Variants in GALNT13 observed in about 807,000 individuals in gnomAD.
GALNT13 encodes polypeptide N-acetylgalactosaminyltransferase 13.
GALNT13 carries 28 observed loss-of-function variants against 64.2 expected under a neutral mutation model. That is an observed-to-expected ratio of 0.44 (90% CI 0.32 to 0.60). GALNT13 has a LOEUF of 0.60. GALNT13 is among the 20% of genes least tolerant of loss of function. The pLI is 0.05. For missense variants in GALNT13, 577 were observed against 669.8 expected, an observed-to-expected ratio of 0.86 and a Z score of 1.53; for synonymous variants, 214 against 224.6, an observed-to-expected ratio of 0.95 and a Z score of 0.42.
the GALNT13 span, among the ~76,000 whole-genome samples, chr2:153,362,055 G>T: frequency 1.3e-5 from 2 of 152,106 alleles, no homozygotes; most frequent in African/African-American, 2.4e-5. Context: ...GAAGAGAGTG[G>T]GGGCCAATAT....
At chr2:153,299,082 C>T in the GALNT13 span, among the ~76,000 whole-genome samples, 2 of 152,252 alleles carry the variant, frequency 1.3e-5, no homozygotes, top group South Asian at 4.2e-4. Context: ...ATAATGCAAT[C>T]CAAATCCAAA....
At chr2:154,270,444 A>G (rs1184481093) in intron 8 of GALNT13, among the ~76,000 whole-genome samples, 1 of 151,894 alleles carries the variant, frequency 6.6e-6, no homozygotes, top group East Asian at 1.9e-4. Context: ...GGTACCACCC[A>G]TAATTCGTTT....
chr2:153,495,644 A>G, the GALNT13 span, among the ~76,000 whole-genome samples: 1 of 152,368 alleles, frequency 6.6e-6, no homozygotes, highest in African/African-American at 2.4e-5. Flanking sequence ...GAAAAAATTC[A>G]TACAGAAAAG....
the GALNT13 span, among the ~76,000 whole-genome samples, chr2:153,584,679 G>A: frequency 3.3e-5 from 5 of 152,162 alleles, no homozygotes; most frequent in African/African-American, 1.2e-4. Flanking sequence ...CCAGCATATG[G>A]TGCACAGAAA....
chr2:153,934,175 G>A (rs952540440), intron 2 of GALNT13, among the ~76,000 whole-genome samples: 12 of 152,026 alleles, frequency 7.9e-5, no homozygotes, highest in African/African-American at 2.7e-4. Context: ...TATATCTGTT[G>A]GATAAATGAA....
chr2:153,422,109 G>A, the GALNT13 span: 1 of 152,128 alleles, frequency 6.6e-6, no homozygotes, highest in Non-Finnish European at 1.5e-5. Flanking sequence ...ACTTTAAGAA[G>A]AAATGATAAT....
At chr2:153,542,163 CA>C in the GALNT13 span, among the ~76,000 whole-genome samples, 31 of 151,762 alleles carry the variant, frequency 2.0e-4, no homozygotes, top group African/African-American at 7.0e-4. Flanking sequence ...ACTAAAAATA[CA>C]AAAAAATTAG....
intron 4 of GALNT13, among the ~76,000 whole-genome samples, chr2:154,164,038 C>T (rs1684886099): frequency 6.6e-6 from 1 of 152,078 alleles, no homozygotes; most frequent in South Asian, 2.1e-4. Flanking sequence ...AACCATTTGG[C>T]ATGCCAAATA....
the GALNT13 span, among the ~76,000 whole-genome samples, chr2:153,374,741 G>A: frequency 2.0e-5 from 3 of 152,054 alleles, no homozygotes; most frequent in Admixed American, 6.6e-5. Context: ...TATTTATTAC[G>A]CTAATCTCCT....
chr2:154,391,443 A>G (rs910259452), intron 9 of GALNT13, among the ~76,000 whole-genome samples: 12 of 152,138 alleles, frequency 7.9e-5, no homozygotes, highest in Non-Finnish European at 1.0e-4. Flanking sequence ...GACCAACTGA[A>G]TCAAATTGCA....
the GALNT13 span, among the ~76,000 whole-genome samples, chr2:153,711,921 C>T: frequency 6.6e-6 from 1 of 152,164 alleles, no homozygotes; most frequent in Admixed American, 6.6e-5. Flanking sequence ...AATCCCACTA[C>T]ATGCTGAGAA....
intron 9 of GALNT13, among the ~76,000 whole-genome samples, chr2:154,311,251 C>T (rs990059877): frequency 6.6e-6 from 1 of 151,978 alleles, no homozygotes; most frequent in Non-Finnish European, 1.5e-5. Context: ...ACAGATATAT[C>T]GGGGGTCCTG....
At chr2:154,258,668 G>A (rs189053804) in intron 7 of GALNT13, among the ~76,000 whole-genome samples, 267 of 151,980 alleles carry the variant, frequency 1.8e-3, no homozygotes, top group African/African-American at 6.2e-3. Context: ...GTTGACACCT[G>A]ATAGTTTCAT....
chr2:153,265,487 G>A, the GALNT13 span, among the ~76,000 whole-genome samples: 5 of 152,270 alleles, frequency 3.3e-5, 1 homozygote, highest in African/African-American at 1.2e-4. Flanking sequence ...CACAACCACT[G>A]CATTCTCTCT....
the GALNT13 span, among the ~76,000 whole-genome samples, chr2:153,114,163 G>A: frequency 1.1e-4 from 16 of 152,190 alleles, no homozygotes; most frequent in South Asian, 1.4e-3. Context: ...TGGAGATGAT[G>A]CTTGACCTGC....
At chr2:154,100,345 TG>T (rs1222686878) in intron 3 of GALNT13, among the ~76,000 whole-genome samples, 1 of 152,162 alleles carries the variant, frequency 6.6e-6, no homozygotes, top group Non-Finnish European at 1.5e-5. Flanking sequence ...GAGGATGGGA[TG>T]TTTATCCATT....
intron 12 of GALNT13, among the ~76,000 whole-genome samples, chr2:154,449,803 G>A (rs1372611844): frequency 6.6e-6 from 1 of 151,788 alleles, no homozygotes; most frequent in African/African-American, 2.4e-5. Flanking sequence ...TGATCATCAT[G>A]CCCCTGTTTT....
chr2:154,139,470 C>T (rs972268178), intron 3 of GALNT13, among the ~76,000 whole-genome samples: 3 of 151,694 alleles, frequency 2.0e-5, no homozygotes, highest in Admixed American at 2.0e-4. Context: ...TTGGAAGAGT[C>T]GAGACATTGG....
chr2:153,222,885 G>A, the GALNT13 span, among the ~76,000 whole-genome samples: 2 of 152,184 alleles, frequency 1.3e-5, no homozygotes, highest in African/African-American at 4.8e-5. Flanking sequence ...GGGCCACTGA[G>A]AGCGCAGGGA....
Sources: allele counts gnomAD v4.1 joint callset (sites outside exome capture counted in the v4.1 genomes callset), GRCh38; gene constraint gnomAD v4.1.1; transcripts MANE v1.5; gene names NCBI Gene and HGNC (gene_info 2026-07-23, HGNC 2026-07-21).